The following COG6 variants were observed in gnomAD, a reference collection of about 807,000 sequenced individuals.
The protein encoded by COG6 is conserved oligomeric Golgi complex subunit 6.
COG6 carries 74 observed loss-of-function variants against 88.8 expected under a neutral mutation model. That is an observed-to-expected ratio of 0.83 (90% CI 0.69 to 1.01). The LOEUF is 1.01. Among genes scored for constraint, COG6 ranks in the 50% least tolerant of loss-of-function variants. The pLI is 0.00. For synonymous variants in COG6, 286 were observed against 278.7 expected, an observed-to-expected ratio of 1.03 and a Z score of -0.26; for missense variants, 800 against 797.9, an observed-to-expected ratio of 1.00 and a Z score of -0.03.
chr13:39,687,850 G>A (rs369866213), intron 10 of COG6, 51 bp downstream of exon 10: 12 of 1,262,806 alleles, frequency 9.5e-6, no homozygotes, highest in South Asian at 2.4e-5. Context: ...AATAACACAA[G>A]CATCTCTGTT....
At chr13:39,704,321 C>A (rs1473269638) in intron 13 of COG6, among the ~76,000 whole-genome samples, 1 of 152,176 alleles carries the variant, frequency 6.6e-6, no homozygotes, top group Admixed American at 6.5e-5. Flanking sequence ...CAAAATCTAA[C>A]TGCTAATTAG....
chr13:39,787,709 A>C (rs1410542646), intron 18 of COG6, among the ~76,000 whole-genome samples: 1 of 152,194 alleles, frequency 6.6e-6, no homozygotes, highest in African/African-American at 2.4e-5. Context: ...ACCAACAGTT[A>C]GTTGAAAATA....
At chr13:39,750,642 T>C (rs901224011) in intron 18 of COG6, among the ~76,000 whole-genome samples, 1 of 152,216 alleles carries the variant, frequency 6.6e-6, no homozygotes, top group African/African-American at 2.4e-5. Flanking sequence ...TTGTTTCTTA[T>C]TTAGCAGTCC....
At chr13:39,716,300 G>A (rs934106442) in intron 13 of COG6, among the ~76,000 whole-genome samples, 3 of 152,050 alleles carry the variant, frequency 2.0e-5, no homozygotes, top group Non-Finnish European at 4.4e-5. Context: ...GTATATTAGT[G>A]TAGCTAATTT....
chr13:39,681,072 A>AT (rs904235991), intron 7 of COG6, among the ~76,000 whole-genome samples: 2 of 152,172 alleles, frequency 1.3e-5, no homozygotes, highest in East Asian at 1.9e-4. Flanking sequence ...GTTTCAATAG[A>AT]TTTTTTGCAG....
intron 8 of COG6, among the ~76,000 whole-genome samples, chr13:39,686,921 G>C (rs1214544882): frequency 1.3e-5 from 2 of 151,652 alleles, no homozygotes; most frequent in Non-Finnish European, 2.9e-5. Flanking sequence ...AATGAGAAAG[G>C]GTTTCATTAT....
rs547883908 is a variant in COG6, at chr13:39,739,343, A to C, written c.1827-11603A>C. ...TAGATTTCAAAAAAAAGCAAACCGC[A>C]GTTCACCTATATGCCCTTTACAAGA... On this transcript the variant is annotated intron_variant, in intron 18 of 18. Coordinates refer to ENST00000455146, the MANE Select transcript of COG6 (RefSeq NM_020751.3). Among the ~76,000 whole-genome samples, 183 of 152,232 alleles carry C rather than the reference A, an allele frequency of 1.2e-3. 1 individual carries two copies. The highest frequency in any genetic ancestry group is 2.1e-3 in the Admixed American group (32 of 15,282).
chr13:39,657,911 A>G (rs2137938217), intron 1 of COG6, among the ~76,000 whole-genome samples: 1 of 152,268 alleles, frequency 6.6e-6, no homozygotes, highest in East Asian at 1.9e-4. Flanking sequence ...AGTTGTCTAT[A>G]CTATACCTCC....
At chr13:39,730,253 T>C (rs866142934) in intron 18 of COG6, among the ~76,000 whole-genome samples, 2 of 152,186 alleles carry the variant, frequency 1.3e-5, no homozygotes, top group African/African-American at 2.4e-5. Context: ...TTTATATAAG[T>C]ATTAATACTA....
intron 18 of COG6, among the ~76,000 whole-genome samples, chr13:39,747,731 G>A (rs919758447): frequency 6.6e-6 from 1 of 152,078 alleles, no homozygotes; most frequent in Non-Finnish European, 1.5e-5. Context: ...CAGCTGTATT[G>A]TTAGTTACAG....
intron 13 of COG6, among the ~76,000 whole-genome samples, chr13:39,702,679 A>G (rs1306597854): frequency 6.6e-6 from 1 of 152,074 alleles, no homozygotes; most frequent in East Asian, 1.9e-4. Context: ...CTTTTAAATA[A>G]TAACCACGGT....
In COG6 at chr13:39,751,000, G is replaced by C; in HGVS notation, c.1881G>C (p.Val627=). ...TAGTCTGCAGAGCCTATGGTGAAGT[G>C]TATGCAGCCGTGATGAATCCAATCA... The part of the protein sequence containing the change: ...TELVCRAYGE[V]YAAVMNPINE... Residue 627 remains valine, a synonymous_variant, in exon 19 of 19, where the codon GTG becomes GTC. Coordinates refer to ENST00000455146, the MANE Select transcript of COG6 (RefSeq NM_020751.3). The C allele has an allele frequency of 6.2e-7, 1 of 1,613,668 alleles. No homozygotes were observed. The highest frequency in any genetic ancestry group is 8.5e-7 in the Non-Finnish European group (1 of 1,179,788).
At chr13:39,683,789 T>C (rs867114917) in intron 8 of COG6, among the ~76,000 whole-genome samples, 24 of 152,074 alleles carry the variant, frequency 1.6e-4, no homozygotes, top group African/African-American at 4.8e-4. Flanking sequence ...CCTTTGTTTG[T>C]TTTCAACAGC....
intron 13 of COG6, among the ~76,000 whole-genome samples, chr13:39,706,255 T>TTATATATATATA (rs71298976): frequency 0.012 from 1,432 of 114,570 alleles, 36 homozygotes; most frequent in African/African-American, 0.019. Context: ...ATATACTCCT[T>TTATATATATATA]TATATATATA....
intron 18 of COG6, among the ~76,000 whole-genome samples, chr13:39,771,704 A>G (rs1250002483): frequency 6.6e-6 from 1 of 152,254 alleles, no homozygotes; most frequent in Non-Finnish European, 1.5e-5. Flanking sequence ...CATCCCTGAA[A>G]GTAATGACTT....
At chr13:39,725,116 A>G (rs1879064208) in intron 17 of COG6, among the ~76,000 whole-genome samples, 1 of 151,776 alleles carries the variant, frequency 6.6e-6, no homozygotes, top group Non-Finnish European at 1.5e-5. Flanking sequence ...CCTCATATGT[A>G]TAGTGTTCAT....
At chr13:39,694,796 A>G (rs1171605120) in intron 12 of COG6, 71 bp downstream of exon 12, 2 of 797,912 alleles carry the variant, frequency 2.5e-6, no homozygotes, top group East Asian at 2.5e-5. Context: ...ACAGTATAAG[A>G]TTTTTTTTTA....
At chr13:39,679,678 G>C in intron 6 of COG6, 58 bp downstream of exon 6, 1 of 996,034 alleles carries the variant, frequency 1.0e-6, no homozygotes, top group Non-Finnish European at 1.6e-6. Flanking sequence ...AAATTTTAAA[G>C]ATATTCTAGA....
downstream of COG6, among the ~76,000 whole-genome samples, chr13:39,756,031 C>T (rs530500593): frequency 6.6e-6 from 1 of 152,142 alleles, no homozygotes; most frequent in African/African-American, 2.4e-5. Context: ...ACTTATTAGA[C>T]AAAGATTTTA....
Sources: allele counts gnomAD v4.1 joint callset (sites outside exome capture counted in the v4.1 genomes callset), GRCh38; gene constraint gnomAD v4.1.1; transcripts MANE v1.5; gene names NCBI Gene and HGNC (gene_info 2026-07-23, HGNC 2026-07-21).